PDGFC: variants seen among roughly 807,000 people sequenced by gnomAD.
PDGFC encodes the protein platelet derived growth factor C.
A neutral mutation model predicts 35.5 loss-of-function variants in PDGFC; 12 were observed. The ratio of observed to expected loss-of-function variants is 0.34; its 90% confidence interval spans 0.22 to 0.55. The LOEUF (loss-of-function observed/expected upper bound fraction) is 0.55. Among genes scored for constraint, PDGFC ranks in the 20% least tolerant of loss-of-function variants. PDGFC has a pLI of 0.91. For synonymous variants in PDGFC, 159 were observed against 148.8 expected (o/e 1.07, Z -0.50); for missense variants, 322 against 412.4 (o/e 0.78, Z 1.90).
chr4:156,965,657 G>A (rs1429506746), intron 1 of PDGFC, among the ~76,000 whole-genome samples: 2 of 151,970 alleles, frequency 1.3e-5, no homozygotes, highest in Non-Finnish European at 2.9e-5. Flanking sequence ...TGTATGCTGA[G>A]TGTGCCATGT....
At chr4:156,790,277 A>T (rs1431346045) in intron 3 of PDGFC, among the ~76,000 whole-genome samples, 2 of 152,234 alleles carry the variant, frequency 1.3e-5, no homozygotes, top group African/African-American at 2.4e-5. Context: ...GGTGAAGGTC[A>T]TAAAATTATT....
At chr4:156,893,784 A>T (rs1244941361) in intron 1 of PDGFC, among the ~76,000 whole-genome samples, 3 of 152,198 alleles carry the variant, frequency 2.0e-5, no homozygotes, top group Non-Finnish European at 4.4e-5. Context: ...CAATCAAAAT[A>T]ATTATAATTT....
At chr4:156,825,014 G>C (rs931602190) in intron 2 of PDGFC, among the ~76,000 whole-genome samples, 1 of 152,012 alleles carries the variant, frequency 6.6e-6, no homozygotes, top group South Asian at 2.1e-4. Context: ...CTAAATCACC[G>C]CATTATTGAA....
At chr4:156,832,771 T>C (rs1236509284) in intron 2 of PDGFC, among the ~76,000 whole-genome samples, 1 of 152,190 alleles carries the variant, frequency 6.6e-6, no homozygotes, top group Non-Finnish European at 1.5e-5. Flanking sequence ...AACCCATGTA[T>C]ATACAGGGCC....
intron 1 of PDGFC, among the ~76,000 whole-genome samples, chr4:156,947,152 T>C (rs999650867): frequency 1.3e-5 from 2 of 151,862 alleles, no homozygotes; most frequent in African/African-American, 4.8e-5. Context: ...GTAAACAAGA[T>C]AAAAGACTAA....
intron 1 of PDGFC, among the ~76,000 whole-genome samples, chr4:156,920,369 C>T (rs1731244222): frequency 2.0e-5 from 3 of 152,204 alleles, no homozygotes; most frequent in Non-Finnish European, 2.9e-5. Context: ...GTGAGGTAGC[C>T]GTTAATAACA....
chr4:156,926,778 C>T (rs994581943), intron 1 of PDGFC, among the ~76,000 whole-genome samples: 1 of 152,134 alleles, frequency 6.6e-6, no homozygotes, highest in African/African-American at 2.4e-5. Context: ...GTTTTCCAGG[C>T]ACCCGGTACA....
At chr4:156,763,363 C>CAAAAA (rs33986749) in intron 5 of PDGFC, among the ~76,000 whole-genome samples, 157 bp from the exon 6 acceptor site, 1 of 97,150 alleles carries the variant, frequency 1.0e-5, no homozygotes, top group Non-Finnish European at 2.3e-5. Flanking sequence ...ACTCTCCCAC[C>CAAAAA]AAAAAAAAAA....
chr4:156,899,553 A>G (rs1268023867), intron 1 of PDGFC, among the ~76,000 whole-genome samples: 1 of 152,184 alleles, frequency 6.6e-6, no homozygotes, highest in East Asian at 1.9e-4. Context: ...GGTGGCTCAC[A>G]CCTGTAATCC....
At chr4:156,931,909 T>C (rs1161424787) in intron 1 of PDGFC, among the ~76,000 whole-genome samples, 1 of 152,146 alleles carries the variant, frequency 6.6e-6, no homozygotes, top group East Asian at 1.9e-4. Flanking sequence ...CTTTTGAAAA[T>C]TGTTCTATAC....
intron 2 of PDGFC, among the ~76,000 whole-genome samples, chr4:156,832,051 T>C (rs1415887439): frequency 6.6e-6 from 1 of 151,988 alleles, no homozygotes; most frequent in African/African-American, 2.4e-5. Flanking sequence ...TTTTTTCTAG[T>C]TTCTCTCTTA....
intron 1 of PDGFC, among the ~76,000 whole-genome samples, chr4:156,969,441 A>G (rs1440646994): frequency 6.6e-6 from 1 of 152,252 alleles, no homozygotes; most frequent in Non-Finnish European, 1.5e-5. Flanking sequence ...CACTAATATT[A>G]GCTGATAAAT....
intron 1 of PDGFC, among the ~76,000 whole-genome samples, chr4:156,920,856 C>G (rs1404414228): frequency 6.6e-6 from 1 of 152,108 alleles, no homozygotes; most frequent in Non-Finnish European, 1.5e-5. Context: ...GAAATATAAT[C>G]AACAATTTTG....
intron 1 of PDGFC, among the ~76,000 whole-genome samples, chr4:156,871,788 G>A (rs1729990128): frequency 6.6e-6 from 1 of 151,564 alleles, no homozygotes; most frequent in African/African-American, 2.4e-5. Flanking sequence ...AGTGTTACAG[G>A]ACAGTGTATC....
chr4:156,913,480 C>T lies in PDGFC; in HGVS notation c.118+57306G>A, dbSNP rs192056430. Reference sequence around the variant, plus strand: ...TGGAACAGTGACAACCAATGAACTACGGAATCATGTACTAAGCCAGTTGCT... The same window carrying T: ...TGGAACAGTGACAACCAATGAACTATGGAATCATGTACTAAGCCAGTTGCT... On this transcript the variant is annotated intron_variant, in intron 1 of 5. Coordinates refer to ENST00000502773, the MANE Select transcript of PDGFC (RefSeq NM_016205.3). Among the ~76,000 whole-genome samples, 196 of 152,282 alleles carry T rather than the reference C, an allele frequency of 1.3e-3. 1 individual carries two copies. Among genetic ancestry groups the T allele is most frequent in the Non-Finnish European group, 2.1e-3 (141 of 68,024 alleles).
chr4:156,763,217 A>T lies in PDGFC; in HGVS notation c.922-11T>A. 7.2e-7 allele frequency: 1 copy of T among 1,379,866 alleles called. No homozygotes were observed. Among genetic ancestry groups the T allele is most frequent in the Non-Finnish European group, 1.0e-6 (1 of 965,644 alleles). 85.5% of individuals were successfully genotyped at this position (1,379,866 alleles called of 1,614,324 possible). On this transcript the variant is annotated splice_polypyrimidine_tract_variant and intron_variant, in intron 5 of 5. Transcript: ENST00000502773. The stretch of plus-strand genomic sequence containing the variant: ...TCTCAACTGAAGGACCTGAAAGGGA[A>T]TAAGAGTAAGCCACTTTTAAAAATC...
At chr4:156,951,059 G>T (rs1285618292) in intron 1 of PDGFC, among the ~76,000 whole-genome samples, 3 of 151,870 alleles carry the variant, frequency 2.0e-5, no homozygotes, top group Non-Finnish European at 2.9e-5. Context: ...AGAGGTAGAT[G>T]CTTCTTACAC....
At chr4:156,784,708 CAG>C (rs974299510) in intron 3 of PDGFC, among the ~76,000 whole-genome samples, 4 of 152,056 alleles carry the variant, frequency 2.6e-5, no homozygotes, top group African/African-American at 9.7e-5. Context: ...AATCAGAAGA[CAG>C]AGGAGAGTTA....
chr4:156,823,454 CTCT>C (rs1480422597), intron 2 of PDGFC, among the ~76,000 whole-genome samples: 1 of 152,122 alleles, frequency 6.6e-6, no homozygotes, highest in Non-Finnish European at 1.5e-5. Context: ...TTGTTTTGTT[CTCT>C]TCTTATTATT....
Sources: gnomAD v4.1 joint callset for allele counts (sites outside exome capture counted in the v4.1 genomes callset) on GRCh38, gnomAD v4.1.1 for gene constraint, MANE v1.5 for transcripts, NCBI Gene and HGNC (gene_info 2026-07-23, HGNC 2026-07-21) for gene names.